RBMS3: variants seen among roughly 807,000 people sequenced by gnomAD.
RBMS3 encodes the protein RNA-binding motif, single-stranded-interacting protein 3.
RBMS3 carries 27 observed loss-of-function variants against 66.8 expected under a neutral mutation model. The observed-to-expected ratio is 0.40, with a 90% CI of 0.30 to 0.56. The LOEUF is 0.56. Ranked by LOEUF, RBMS3 falls within the 20% of genes least tolerant of loss-of-function variation. RBMS3 has a pLI of 0.40. For missense variants in RBMS3, 513 were observed against 549.5 expected (o/e 0.93, Z 0.66); for synonymous variants, 188 against 183.0 (o/e 1.03, Z -0.22).
chr3:29,692,094 G>A lies in RBMS3; in HGVS notation c.400-47626G>A, dbSNP rs1228322187. Among the ~76,000 whole-genome samples, 4 of 151,466 alleles carry A rather than the reference G, an allele frequency of 2.6e-5. No homozygotes were observed. In the South Asian group the frequency reaches 6.3e-4, roughly 24 times the overall value. On this transcript the variant is annotated intron_variant, in intron 4 of 14. Transcript: ENST00000383767. ...CCTCCTGGATTCAAGCAATTCTCCT[G>A]CCTCAGCCTCCCAAGTAGCTGGGAT...
intron 1 of RBMS3, among the ~76,000 whole-genome samples, chr3:29,393,320 A>G (rs984129107): frequency 6.6e-6 from 1 of 152,328 alleles, no homozygotes; most frequent in East Asian, 1.9e-4. Context: ...AGCATAATGT[A>G]TTAAAGAAAA....
intron 4 of RBMS3, among the ~76,000 whole-genome samples, chr3:29,694,402 C>T (rs989889069): frequency 6.6e-6 from 1 of 152,084 alleles, no homozygotes; most frequent in Non-Finnish European, 1.5e-5. Flanking sequence ...GAAAGATAAA[C>T]CTTTTACAAT....
chr3:29,697,110 G>T, intron 4 of RBMS3: 1 of 984,962 alleles, frequency 1.0e-6, no homozygotes. Flanking sequence ...ATATAAACAG[G>T]CACAAAAAGC....
chr3:29,496,765 G>A (rs1264718508), intron 3 of RBMS3, among the ~76,000 whole-genome samples: 2 of 152,112 alleles, frequency 1.3e-5, no homozygotes, highest in Admixed American at 6.5e-5. Context: ...AAACAAAATA[G>A]GTATTTATGT....
intron 1 of RBMS3, among the ~76,000 whole-genome samples, chr3:29,405,477 T>C (rs201771063): frequency 1.3e-5 from 2 of 152,138 alleles, no homozygotes; most frequent in Non-Finnish European, 2.9e-5. Context: ...TTATTGTTTT[T>C]GTGGCAAATC....
chr3:29,691,949 A>ATTTTT lies in RBMS3; in HGVS notation c.400-47757_400-47753dup, dbSNP rs1294126975. On this transcript the variant is annotated intron_variant, in intron 4 of 14. Coordinates refer to ENST00000383767, the MANE Select transcript of RBMS3 (RefSeq NM_001003793.3). ...GTGACCCTTCTCTCTCTCTCTCTCT[A>ATTTTT]TTTTTTTTTTTTTTTTTTGAGATGG... Among the ~76,000 whole-genome samples the ATTTTT allele has an allele frequency of 2.9e-3, 187 of 64,976 alleles. 24 individuals are homozygous for ATTTTT. The highest frequency in any genetic ancestry group is 0.013 in the East Asian group (30 of 2,250). 42.6% of individuals were successfully genotyped at this position (64,976 alleles called of 152,430 possible). A position where few individuals can be genotyped will look rare whatever the true frequency, so the allele number is the denominator to read the frequency against.
intron 2 of RBMS3, among the ~76,000 whole-genome samples, chr3:29,441,131 A>C (rs1156890860): frequency 6.6e-6 from 1 of 152,188 alleles, no homozygotes; most frequent in South Asian, 2.1e-4. Context: ...ATGTGGTGGC[A>C]GGTGTGAGCA....
At chr3:29,363,232 C>T (rs935040786) in intron 1 of RBMS3, among the ~76,000 whole-genome samples, 10 of 152,124 alleles carry the variant, frequency 6.6e-5, no homozygotes, top group East Asian at 1.9e-4. Context: ...GTTTATTTTA[C>T]GATGCATTTG....
intron 5 of RBMS3, among the ~76,000 whole-genome samples, chr3:29,742,504 C>T (rs941823683): frequency 6.6e-6 from 1 of 152,182 alleles, no homozygotes; most frequent in African/African-American, 2.4e-5. Context: ...TGGCTCTTCT[C>T]CTGACTTCTG....
intron 4 of RBMS3, among the ~76,000 whole-genome samples, chr3:29,622,575 A>T (rs971754075): frequency 4.6e-5 from 7 of 152,220 alleles, no homozygotes; most frequent in African/African-American, 1.7e-4. Flanking sequence ...TGGCTTGTTG[A>T]ACGTCATTGT....
intron 1 of RBMS3, among the ~76,000 whole-genome samples, chr3:29,326,652 T>C (rs1356194119): frequency 6.6e-6 from 1 of 152,138 alleles, no homozygotes; most frequent in Non-Finnish European, 1.5e-5. Context: ...TCCCTCGTAC[T>C]GAGCTCAGTG....
At chr3:29,891,723 C>A (rs980080298) in intron 8 of RBMS3, among the ~76,000 whole-genome samples, 1 of 151,394 alleles carries the variant, frequency 6.6e-6, no homozygotes, top group African/African-American at 2.4e-5. Context: ...TTTTCTATAG[C>A]ATTGGTTTGC....
intron 10 of RBMS3, 24 bp downstream of exon 10, chr3:29,899,779 G>T: frequency 6.2e-7 from 1 of 1,603,644 alleles, no homozygotes. Flanking sequence ...GTCACCTGAG[G>T]CTAATATTTC....
intron 10 of RBMS3, among the ~76,000 whole-genome samples, chr3:29,913,078 C>A (rs2060555361): frequency 6.6e-6 from 1 of 151,856 alleles, no homozygotes. Context: ...CACTAGGTGG[C>A]TCATAAAGTA....
intron 3 of RBMS3, among the ~76,000 whole-genome samples, chr3:29,511,083 G>T (rs958725762): frequency 2.6e-5 from 4 of 152,174 alleles, no homozygotes; most frequent in Non-Finnish European, 5.9e-5. Context: ...TGGATCACTA[G>T]GTGAGGAGAT....
At chr3:29,900,818 A>C (rs2060234203) in intron 10 of RBMS3, among the ~76,000 whole-genome samples, 1 of 151,834 alleles carries the variant, frequency 6.6e-6, no homozygotes, top group African/African-American at 2.4e-5. Context: ...TATACAAGGA[A>C]GAAGCAGTGC....
intron 6 of RBMS3, among the ~76,000 whole-genome samples, chr3:29,840,720 A>G (rs1323633724): frequency 6.6e-6 from 1 of 152,066 alleles, no homozygotes; most frequent in Non-Finnish European, 1.5e-5. Flanking sequence ...ACAGCATTCC[A>G]TTTTAATGAA....
intron 11 of RBMS3, 38 bp from the exon 12 acceptor site, chr3:29,944,169 C>T: frequency 6.5e-7 from 1 of 1,529,560 alleles, no homozygotes; most frequent in Non-Finnish European, 9.0e-7. Flanking sequence ...TTCTTTTGTA[C>T]TTCATTGCAT....
chr3:29,776,364 G>C (rs4549240), intron 6 of RBMS3, among the ~76,000 whole-genome samples: 3,822 of 151,952 alleles, frequency 0.025, 171 homozygotes, highest in African/African-American at 0.087. Flanking sequence ...CGTCTTGCCA[G>C]GTTCCTCATA....
Sources: gnomAD v4.1 joint callset for allele counts (sites outside exome capture counted in the v4.1 genomes callset) on GRCh38, gnomAD v4.1.1 for gene constraint, MANE v1.5 for transcripts, NCBI Gene and HGNC (gene_info 2026-07-23, HGNC 2026-07-21) for gene names.